CRTAP: variants seen among roughly 807,000 people sequenced by gnomAD.
CRTAP encodes the protein cartilage associated protein.
A neutral mutation model predicts 42.7 loss-of-function variants in CRTAP; 33 were observed. The observed-to-expected ratio is 0.77, with a 90% confidence interval of 0.59 to 1.03. CRTAP has a LOEUF of 1.03. Among genes scored for constraint, CRTAP ranks in the 50% least tolerant of loss-of-function variants. The probability of loss-of-function intolerance (pLI) is 0.00; values close to 1 mark genes in which losing one functional copy is unlikely to be tolerated. For synonymous variants in CRTAP, 243 were observed against 217.7 expected, an observed-to-expected ratio of 1.12 and a Z score of -1.02; for missense variants, 613 against 533.9, an observed-to-expected ratio of 1.15 and a Z score of -1.46.
chr3:33,114,408 G>A lies in CRTAP; in HGVS notation c.331G>A (p.Gly111Ser), dbSNP rs1237951051. ...ASYPELRLFG[G>S]LLRRAHCLKR... ...CTATCCCGAGCTGCGCCTCTTCGGGGGCCTGCTGCGCCGCGCGCACTGCCT... is the reference window on the plus strand; with the variant it reads ...CTATCCCGAGCTGCGCCTCTTCGGGAGCCTGCTGCGCCGCGCGCACTGCCT... The change falls in exon 1 of 7, where the codon GGC becomes AGC. Residue 111 changes from glycine (G) to serine (S), a missense_variant. Gly to Ser is a moderately conservative substitution (Grantham distance 56). Coordinates refer to ENST00000320954, the MANE Select transcript of CRTAP (RefSeq NM_006371.5). The A allele has an allele frequency of 1.9e-6, 3 of 1,543,142 alleles. No homozygotes were observed. The highest frequency in any genetic ancestry group is 1.2e-5 in the South Asian group (1 of 84,122).
Position 33,143,285 on chromosome 3 carries a change from C to T in CRTAP, c.*837C>T, listed in dbSNP as rs560514639. The T allele has an allele frequency of 6.6e-6, 1 of 152,372 alleles. No homozygotes were observed. Among genetic ancestry groups the T allele is most frequent in the Admixed American group, 6.5e-5 (1 of 15,310 alleles). 9.4% of individuals were successfully genotyped at this position (152,372 alleles called of 1,614,324 possible). A position where few individuals can be genotyped will look rare whatever the true frequency, so the allele number is the denominator to read the frequency against. ...TTCTCCAGCCTCACAATGGTCTTCA[C>T]TTGGTCTGACTTGTACCAATTCTAG... On this transcript the variant is annotated 3_prime_UTR_variant, in exon 7 of 7. Coordinates refer to ENST00000320954, the MANE Select transcript of CRTAP (RefSeq NM_006371.5).
At chr3:33,128,231 TTC>T (rs1249273233) in intron 3 of CRTAP, among the ~76,000 whole-genome samples, 2 of 152,220 alleles carry the variant, frequency 1.3e-5, no homozygotes, top group Admixed American at 6.5e-5. Context: ...GTAGTTCATA[TTC>T]TCTTTTTGTT....
rs551083006 is a variant in CRTAP, at chr3:33,121,027, C to T, written c.621+534C>T. Among the ~76,000 whole-genome samples the T allele has an allele frequency of 6.7e-4, 102 of 152,274 alleles. 1 individual carries two copies. Among genetic ancestry groups the T allele is most frequent in the African/African-American group, 2.2e-3 (90 of 41,546 alleles). On this transcript the variant is annotated intron_variant, in intron 2 of 6. Transcript: ENST00000320954. ...GAACAACAATAAGAAAGAACGATCT[C>T]GCCCTTTTGAGCACTCACTATTGTC...
intron 6 of CRTAP, 135 bp from the exon 7 acceptor site, chr3:33,142,260 C>T (rs2030596293): frequency 1.0e-5 from 8 of 792,358 alleles, no homozygotes; most frequent in Admixed American, 2.0e-5. Context: ...TCCTCTGGGC[C>T]CCAGACCAGC....
At chr3:33,138,148 A>G (rs559314089) in intron 6 of CRTAP, among the ~76,000 whole-genome samples, 1 of 152,074 alleles carries the variant, frequency 6.6e-6, no homozygotes, top group African/African-American at 2.4e-5. Flanking sequence ...AGATTACTGT[A>G]GCTTTATACT....
rs116821774 is a variant in CRTAP, at chr3:33,132,608, C to G, written c.976C>G (p.Gln326Glu). Residue 326 changes from glutamine to glutamate, a missense_variant, in exon 5 of 7, where the codon CAG becomes GAG. Physicochemically the swap from Gln to Glu is conservative, Grantham distance 29. Coordinates refer to ENST00000320954, the MANE Select transcript of CRTAP (RefSeq NM_006371.5). ...TGCAGTCAGCTATCTGCTCTTTGAT[C>G]AGAATGACAAGGTCATGCAGCAGAA... is the stretch of plus-strand genomic sequence containing the variant. ...PCAVSYLLFD[Q>E]NDKVMQQNLV... The G allele has an allele frequency of 4.0e-5, 65 of 1,614,158 alleles. No individual in the cohort carries two copies. In the East Asian group the frequency reaches 1.3e-3, roughly 33 times the overall value.
intron 3 of CRTAP, among the ~76,000 whole-genome samples, chr3:33,127,869 C>T (rs1026745335): frequency 6.6e-6 from 1 of 152,136 alleles, no homozygotes; most frequent in Non-Finnish European, 1.5e-5. Context: ...GCCTCAGCCT[C>T]CTGAGTAGCT....
In CRTAP at chr3:33,142,602, G is replaced by T; in HGVS notation, c.*154G>T. On this transcript the variant is annotated 3_prime_UTR_variant, in exon 7 of 7. Coordinates refer to ENST00000320954, the MANE Select transcript of CRTAP (RefSeq NM_006371.5). ...CGTCTCTCTAACTGCATGTCATCAG[G>T]GGTGAGCCTGCCTTTCCTATCTTCA... The T allele has an allele frequency of 1.5e-6, 1 of 669,726 alleles. No individual in the cohort carries two copies. Among genetic ancestry groups the T allele is most frequent in the East Asian group, 2.7e-5 (1 of 37,042 alleles). The allele number at this position is 669,726 out of a possible 1,614,324, so 41.5% of individuals were successfully genotyped here.
intron 2 of CRTAP, among the ~76,000 whole-genome samples, chr3:33,122,971 C>CT (rs1261251937): frequency 3.4e-4 from 51 of 149,036 alleles, no homozygotes; most frequent in Middle Eastern, 3.4e-3. Context: ...TTCTCTCTCT[C>CT]TTTTTTTTTT....
In CRTAP at chr3:33,147,751, CATTA is replaced by C. The variant is rs1034031213; in HGVS notation, c.*5305_*5308del. 2.6e-5 allele frequency: 4 copies of C among 152,216 alleles called. No homozygotes were observed. The highest frequency in any genetic ancestry group is 7.2e-5 in the African/African-American group (3 of 41,456). 9.4% of individuals were successfully genotyped at this position (152,216 alleles called of 1,614,324 possible). On this transcript the variant is annotated 3_prime_UTR_variant, in exon 7 of 7. Coordinates refer to ENST00000320954, the MANE Select transcript of CRTAP (RefSeq NM_006371.5). ...GGTTTTTGTTTTTCTTTTTAAATCA[CATTA>C]AATGTTTTACATTGCTTATTCTCTA... is the stretch of plus-strand genomic sequence containing the variant.
At chr3:33,131,206 G>C (rs933761756) in intron 4 of CRTAP, among the ~76,000 whole-genome samples, 1 of 151,668 alleles carries the variant, frequency 6.6e-6, no homozygotes, top group South Asian at 2.1e-4. Flanking sequence ...GGAAGAGTGA[G>C]AGAGGTGATC....
chr3:33,143,160 AGAT>A lies in CRTAP; in HGVS notation c.*716_*718del, dbSNP rs1419114831. 1 of 152,278 alleles carries A rather than the reference AGAT, an allele frequency of 6.6e-6. No individual in the cohort carries two copies. Among genetic ancestry groups the A allele is most frequent in the Non-Finnish European group, 1.5e-5 (1 of 68,062 alleles). The allele number at this position is 152,278 out of a possible 1,614,324, so 9.4% of individuals were successfully genotyped here. A position where few individuals can be genotyped will look rare whatever the true frequency, so the allele number is the denominator to read the frequency against. Reference sequence around the variant, plus strand: ...TTTAAATAAGAAAAACATTCCTAGAAGATGATAATTGTGAAAACCTCCTTTGGC... The same window carrying A: ...TTTAAATAAGAAAAACATTCCTAGAAGATAATTGTGAAAACCTCCTTTGGC... On this transcript the variant is annotated 3_prime_UTR_variant, in exon 7 of 7. Transcript: ENST00000320954.
intron 6 of CRTAP, among the ~76,000 whole-genome samples, chr3:33,140,864 G>C (rs1262702612): frequency 6.6e-6 from 1 of 152,236 alleles, no homozygotes; most frequent in Non-Finnish European, 1.5e-5. Flanking sequence ...GTCAAGCTTC[G>C]CCTGCTCCCA....
chr3:33,129,682 C>T (rs1301265453), intron 3 of CRTAP, among the ~76,000 whole-genome samples: 2 of 151,478 alleles, frequency 1.3e-5, no homozygotes, highest in Admixed American at 6.6e-5. Context: ...GGACCACAGG[C>T]GCCCACCACG....
Position 33,114,081 on chromosome 3 carries a change from G to A in CRTAP, c.4G>A (p.Glu2Lys), listed in dbSNP as rs1701306171. The A allele has an allele frequency of 1.4e-6, 2 of 1,460,446 alleles. No individual in the cohort carries two copies. The highest frequency in any genetic ancestry group is 5.1e-5 in the Admixed American group (2 of 38,926). The allele number at this position is 1,460,446 out of a possible 1,614,324, so 90.5% of individuals were successfully genotyped here. A position where few individuals can be genotyped will look rare whatever the true frequency, so the allele number is the denominator to read the frequency against. Residue 2 changes from glutamate to lysine, a missense_variant, in exon 1 of 7, where the codon GAG (glutamate) becomes AAG (lysine). Physicochemically the swap from Glu to Lys is moderately conservative, Grantham distance 56. Transcript: ENST00000320954. M[E>K]PGRRGAAALL... Reference sequence around the variant, plus strand: ...TTCCTTCCTTTCGCCGGGCGCGATGGAGCCGGGGCGCCGGGGGGCCGCGGC... The same window carrying A: ...TTCCTTCCTTTCGCCGGGCGCGATGAAGCCGGGGCGCCGGGGGGCCGCGGC...
intron 1 of CRTAP, among the ~76,000 whole-genome samples, chr3:33,117,214 A>G (rs1040817664): frequency 2.0e-5 from 3 of 152,334 alleles, no homozygotes; most frequent in African/African-American, 7.2e-5. Context: ...GGAGGTCGAT[A>G]TGAAGGTAGA....
chr3:33,130,146 T>A, intron 4 of CRTAP, 79 bp downstream of exon 4: 1 of 1,428,380 alleles, frequency 7.0e-7, no homozygotes, highest in Non-Finnish European at 9.8e-7. Flanking sequence ...AACTCTTAGC[T>A]ACGGTTGTTG....
chr3:33,144,696 A>G lies in CRTAP; in HGVS notation c.*2248A>G, dbSNP rs1289518993. 6.6e-6 allele frequency: 1 copy of G among 152,222 alleles called. No individual in the cohort carries two copies. Among genetic ancestry groups the G allele is most frequent in the Non-Finnish European group, 1.5e-5 (1 of 68,062 alleles). The allele number at this position is 152,222 out of a possible 1,614,324, so 9.4% of individuals were successfully genotyped here. On this transcript the variant is annotated 3_prime_UTR_variant, in exon 7 of 7. Coordinates refer to ENST00000320954, the MANE Select transcript of CRTAP (RefSeq NM_006371.5). ...ACTGAACCATCAGCATGTCAGTGGCATTTAAAGCCATGCAGCTGGAGGGGC... is the reference window on the plus strand; with the variant it reads ...ACTGAACCATCAGCATGTCAGTGGCGTTTAAAGCCATGCAGCTGGAGGGGC...
At chr3:33,132,494 CA>C in intron 4 of CRTAP, 60 bp from the exon 5 acceptor site, 1 of 1,607,058 alleles carries the variant, frequency 6.2e-7, no homozygotes, top group South Asian at 1.1e-5. Flanking sequence ...TGTTTAGAAG[CA>C]GAGAAATTAT....
Sources: gnomAD v4.1 joint callset for allele counts (sites outside exome capture counted in the v4.1 genomes callset) on GRCh38, gnomAD v4.1.1 for gene constraint, MANE v1.5 for transcripts, NCBI Gene and HGNC (gene_info 2026-07-23, HGNC 2026-07-21) for gene names.